PRKAG2: variants seen among roughly 807,000 people sequenced by gnomAD.
PRKAG2 encodes 5'-AMP-activated protein kinase subunit gamma-2.
In PRKAG2, 26 loss-of-function variants were observed where a neutral mutation model predicts 69.6. That is an observed-to-expected ratio of 0.37 (90% CI 0.27 to 0.52). PRKAG2 has a LOEUF of 0.52. PRKAG2 is among the 20% of genes least tolerant of loss of function. The pLI is 0.90. For synonymous variants in PRKAG2, 293 were observed against 285.0 expected (o/e 1.03, Z -0.28); for missense variants, 557 against 740.0 (o/e 0.75, Z 2.87).
intron 6 of PRKAG2, among the ~76,000 whole-genome samples, chr7:151,585,235 C>CTG (rs1811361643): frequency 6.6e-6 from 1 of 152,180 alleles, no homozygotes; most frequent in African/African-American, 2.4e-5. Context: ...ACATAGCAGT[C>CTG]TACAGGTTGA....
intron 4 of PRKAG2, among the ~76,000 whole-genome samples, chr7:151,653,307 G>A (rs1828851521): frequency 1.3e-5 from 2 of 152,258 alleles, no homozygotes; most frequent in South Asian, 4.1e-4. Flanking sequence ...ATATTTTAAA[G>A]TGCAAGGGGT....
intron 4 of PRKAG2, among the ~76,000 whole-genome samples, chr7:151,647,172 G>C (rs1005123278): frequency 1.3e-5 from 2 of 152,224 alleles, no homozygotes; most frequent in African/African-American, 4.8e-5. Context: ...ATTGCAGAGA[G>C]AGAGAAGAAC....
chr7:151,637,321 T>C (rs951112590), intron 4 of PRKAG2, among the ~76,000 whole-genome samples: 12 of 152,230 alleles, frequency 7.9e-5, no homozygotes, highest in African/African-American at 2.9e-4. Context: ...TCTCTTGCAA[T>C]AATTTAAAAA....
At chr7:151,827,765 A>AAAAAAAAAAAAAC (rs2078939843) in intron 1 of PRKAG2, among the ~76,000 whole-genome samples, 1 of 150,434 alleles carries the variant, frequency 6.6e-6, no homozygotes, top group Non-Finnish European at 1.5e-5. Context: ...AAAAAAAAAA[A>AAAAAAAAAAAAAC]AAAAAAAAAC....
chr7:151,798,462 G>A (rs1483079440), intron 1 of PRKAG2, among the ~76,000 whole-genome samples: 1 of 151,182 alleles, frequency 6.6e-6, no homozygotes, highest in Non-Finnish European at 1.5e-5. Flanking sequence ...TTACAGGTGT[G>A]AGCCACCACG....
Position 151,786,513 on chromosome 7 carries a change from A to G in PRKAG2, c.143T>C (p.Leu48Pro). ...TCCGGAACCCTCCAGGTCTCCGTCC[A>G]GGAGCGGCATGGCGAAGGAGCTCAG... is the stretch of plus-strand genomic sequence containing the variant. ...PDLSSFAMPL[L>P]DGDLEGSGKH... The change falls in exon 2 of 16, where the codon CTG becomes CCG. Residue 48 changes from leucine to proline, a missense_variant. This residue lies in a region of PRKAG2 where 352 missense variants were observed against 356.7 expected (regional missense o/e 0.99). Coordinates refer to ENST00000287878, the MANE Select transcript of PRKAG2 (RefSeq NM_016203.4). The G allele has an allele frequency of 6.2e-7, 1 of 1,613,126 alleles. No individual in the cohort carries two copies. Among genetic ancestry groups the G allele is most frequent in the Non-Finnish European group, 8.5e-7 (1 of 1,179,700 alleles).
chr7:151,597,772 CAA>C (rs1814923933), intron 5 of PRKAG2, among the ~76,000 whole-genome samples: 1 of 143,298 alleles, frequency 7.0e-6, no homozygotes, highest in African/African-American at 2.6e-5. Context: ...ATAAACAAAA[CAA>C]AACAAAACAA....
rs1385717384 is a variant in PRKAG2, at chr7:151,556,971, T to C, written c.*230A>G. The C allele has an allele frequency of 3.3e-6, 2 of 613,058 alleles. No homozygotes were observed. The highest frequency in any genetic ancestry group is 1.9e-5 in the African/African-American group (1 of 53,954). The allele number at this position is 613,058 out of a possible 1,614,324, so 38.0% of individuals were successfully genotyped here. A position where few individuals can be genotyped will look rare whatever the true frequency, so the allele number is the denominator to read the frequency against. On this transcript the variant is annotated 3_prime_UTR_variant, in exon 16 of 16. Coordinates refer to ENST00000287878, the MANE Select transcript of PRKAG2 (RefSeq NM_016203.4). ...CAGTGCACTTTAATGACATACAGCATTTAAAATCCTTCAGACAAAGGTCTG... is the reference window on the plus strand; with the variant it reads ...CAGTGCACTTTAATGACATACAGCACTTAAAATCCTTCAGACAAAGGTCTG...
rs1563664136 is a variant in PRKAG2 at position 151,782,428 on chromosome 7, A to AAGGAAG, written c.187-998_187-997insCTTCCT. On this transcript the variant is annotated intron_variant, in intron 2 of 15. Coordinates refer to ENST00000287878, the MANE Select transcript of PRKAG2 (RefSeq NM_016203.4). ...AGGAAGGAAGGAAGGAAGGAAGGAAAGAAAGAAGGAAAGAAGGAAGTTAAC... is the reference window on the plus strand; with the variant it reads ...AGGAAGGAAGGAAGGAAGGAAGGAAAAGGAAGGAAAGAAGGAAAGAAGGAAGTTAAC... Among the ~76,000 whole-genome samples, 90 of 75,010 alleles carry AAGGAAG rather than the reference A, an allele frequency of 1.2e-3. 5 individuals carry two copies. The highest frequency in any genetic ancestry group is 2.0e-3 in the African/African-American group (46 of 23,320). The allele number at this position is 75,010 out of a possible 152,430, so 49.2% of individuals were successfully genotyped here. A position where few individuals can be genotyped will look rare whatever the true frequency, so the allele number is the denominator to read the frequency against.
At chr7:151,697,698 T>C (rs185089597) in intron 3 of PRKAG2, among the ~76,000 whole-genome samples, 3 of 151,532 alleles carry the variant, frequency 2.0e-5, no homozygotes, top group East Asian at 3.9e-4. Context: ...TGGGATACAG[T>C]GGTGCGCTGG....
chr7:151,796,423 T>C (rs569220912), intron 1 of PRKAG2, among the ~76,000 whole-genome samples: 1 of 152,170 alleles, frequency 6.6e-6, no homozygotes, highest in Non-Finnish European at 1.5e-5. Context: ...TGTCCTCCTT[T>C]GACTGTCAGG....
intron 5 of PRKAG2, chr7:151,631,707 T>A (rs1481579014): frequency 2.2e-6 from 1 of 460,650 alleles, no homozygotes. Flanking sequence ...GTGGGTATGA[T>A]TCGGGGTTGC....
chr7:151,645,306 T>G (rs1317173968), intron 4 of PRKAG2, among the ~76,000 whole-genome samples: 1 of 152,206 alleles, frequency 6.6e-6, no homozygotes. Context: ...CCCATGTCAA[T>G]GAACTAAGGC....
At chr7:151,690,862 C>T (rs955684970) in intron 3 of PRKAG2, among the ~76,000 whole-genome samples, 4 of 152,180 alleles carry the variant, frequency 2.6e-5, no homozygotes, top group Admixed American at 6.5e-5. Context: ...TGATGCACCT[C>T]GGGTCTTCCA....
intron 1 of PRKAG2, among the ~76,000 whole-genome samples, chr7:151,848,683 C>G (rs1306470495): frequency 6.6e-6 from 1 of 151,908 alleles, no homozygotes; most frequent in South Asian, 2.1e-4. Flanking sequence ...CGCCACCACC[C>G]CTGGCTAATT....
At chr7:151,659,862 A>T (rs1043092322) in intron 4 of PRKAG2, among the ~76,000 whole-genome samples, 5 of 152,250 alleles carry the variant, frequency 3.3e-5, no homozygotes, top group African/African-American at 1.2e-4. Context: ...ATATTTTCCC[A>T]CTAGCTGTGT....
chr7:151,607,203 A>T (rs1020250293), intron 5 of PRKAG2, among the ~76,000 whole-genome samples: 4 of 152,274 alleles, frequency 2.6e-5, no homozygotes, highest in African/African-American at 9.6e-5. Flanking sequence ...AATGCAAGCA[A>T]TTATAAACAC....
intron 1 of PRKAG2, among the ~76,000 whole-genome samples, chr7:151,863,211 A>C (rs2079980394): frequency 6.7e-6 from 1 of 148,660 alleles, no homozygotes; most frequent in African/African-American, 2.5e-5. Flanking sequence ...GTCCCCGGGT[A>C]GAGGCAGCAC....
intron 6 of PRKAG2, among the ~76,000 whole-genome samples, chr7:151,579,116 C>G (rs2151057722): frequency 6.6e-6 from 1 of 152,320 alleles, no homozygotes; most frequent in Admixed American, 6.5e-5. Flanking sequence ...GCTGCCCCTG[C>G]CGGGCTCAAG....
Sources: gnomAD v4.1 joint callset for allele counts (sites outside exome capture counted in the v4.1 genomes callset) on GRCh38, gnomAD v4.1.1 for gene constraint, gnomAD v4.1.1 regional missense constraint, MANE v1.5 for transcripts, NCBI Gene and HGNC (gene_info 2026-07-23, HGNC 2026-07-21) for gene names.